FCHO1: variants seen among roughly 807,000 people sequenced by gnomAD.
The protein encoded by FCHO1 is FCH and mu domain containing endocytic adaptor 1, also known as F-BAR domain only protein 1.
In FCHO1, 45 loss-of-function variants were observed where a neutral mutation model predicts 114.4. The ratio of observed to expected loss-of-function variants is 0.39; its 90% CI spans 0.31 to 0.50. FCHO1 has a LOEUF of 0.50. FCHO1 is among the 20% of genes least tolerant of loss of function. FCHO1 has a pLI of 0.77. For synonymous variants in FCHO1, 480 were observed against 488.9 expected, an observed-to-expected ratio of 0.98 and a Z score of 0.24; for missense variants, 1,042 against 1,209.6, an observed-to-expected ratio of 0.86 and a Z score of 2.06.
chr19:17,756,042 A>G lies in FCHO1; in HGVS notation c.27+851A>G, dbSNP rs185011869. The stretch of plus-strand genomic sequence containing the variant: ...AGGGCCCAGGAGTCAGGGAAGGACC[A>G]GGTCAGAAAGCCCCTTCCCCAGTTG... On this transcript the variant is annotated intron_variant, in intron 4 of 28. Coordinates refer to ENST00000596536, the MANE Select transcript of FCHO1 (RefSeq NM_015122.3). Among the ~76,000 whole-genome samples the G allele has an allele frequency of 6.5e-3, 983 of 152,274 alleles. 9 individuals are homozygous for G. The highest frequency in any genetic ancestry group is 0.011 in the Non-Finnish European group (767 of 67,994).
chr19:17,768,924 G>A (rs184914562), intron 7 of FCHO1, among the ~76,000 whole-genome samples: 7 of 151,622 alleles, frequency 4.6e-5, no homozygotes, highest in African/African-American at 1.7e-4. Context: ...TGAGGTGTGA[G>A]AATTGCTTGA....
chr19:17,788,066 G>A (rs891263684), intron 28 of FCHO1, among the ~76,000 whole-genome samples: 1 of 152,032 alleles, frequency 6.6e-6, no homozygotes, highest in Admixed American at 6.5e-5. Context: ...ACCCCAGCCA[G>A]GGAGCCCGAA....
At chr19:17,770,300 T>TA (rs1456415060) in intron 7 of FCHO1, 125 bp from the exon 8 acceptor site, 191 of 1,001,836 alleles carry the variant, frequency 1.9e-4, no homozygotes, top group South Asian at 2.5e-4. Context: ...AAACTCTGTC[T>TA]AAAAAAAACC....
At chr19:17,787,223 C>CAAAAAA (rs61302593) in intron 27 of FCHO1, among the ~76,000 whole-genome samples, 4 of 39,836 alleles carry the variant, frequency 1.0e-4, no homozygotes, top group East Asian at 3.2e-3. Context: ...GACTCTGTCT[C>CAAAAAA]AAAAAAAAAA....
intron 26 of FCHO1, 135 bp from the exon 27 acceptor site, chr19:17,786,439 C>A: frequency 1.2e-6 from 1 of 810,950 alleles, no homozygotes; most frequent in Non-Finnish European, 2.0e-6. Flanking sequence ...ACCCTCATTT[C>A]ACAGATGAGG....
chr19:17,786,187 G>A (rs1232981576), intron 26 of FCHO1, among the ~76,000 whole-genome samples: 1 of 151,428 alleles, frequency 6.6e-6, no homozygotes, highest in African/African-American at 2.4e-5. Flanking sequence ...ACAAAAATTA[G>A]CCAGGCGTGG....
At chr19:17,770,288 C>T (rs1376669878) in intron 7 of FCHO1, 137 bp from the exon 8 acceptor site, 12 of 818,498 alleles carry the variant, frequency 1.5e-5, no homozygotes, top group East Asian at 2.9e-5. Context: ...ACAACAAGAG[C>T]GAAACTCTGT....
In FCHO1 at chr19:17,778,645, C is replaced by A. The variant is rs868299788; in HGVS notation, c.1388C>A (p.Pro463His). 6.3e-7 allele frequency: 1 copy of A among 1,577,590 alleles called. No individual in the cohort carries two copies. Among genetic ancestry groups the A allele is most frequent in the Non-Finnish European group, 8.6e-7 (1 of 1,165,244 alleles). Reference sequence around the variant, plus strand: ...CTGGGCTTCACCTCCAGCCCCTCCCCTTTCTCCTCCTCGTCGCCCGAAAAC... The same window carrying A: ...CTGGGCTTCACCTCCAGCCCCTCCCATTTCTCCTCCTCGTCGCCCGAAAAC... ...SSLGFTSSPS[P>H]FSSSSPENVE... Residue 463 changes from proline (P) to histidine (H), a missense_variant, in exon 20 of 29, where the codon CCT (proline) becomes CAT (histidine). Coordinates refer to ENST00000596536, the MANE Select transcript of FCHO1 (RefSeq NM_015122.3).
Position 17,751,946 on chromosome 19 carries a change from T to C in FCHO1, c.-183+369T>C, listed in dbSNP as rs950455022. ...AAAGTTGGGGTTGCCTCTGAGGGCA[T>C]GGCATGAAGATTGGATGAGCAGATG... On this transcript the variant is annotated intron_variant, in intron 1 of 28. Coordinates refer to ENST00000596536, the MANE Select transcript of FCHO1 (RefSeq NM_015122.3). The surrounding 1 kb of genome is among the most constrained non-coding windows in gnomAD (Gnocchi z 4.4). Among the ~76,000 whole-genome samples the C allele has an allele frequency of 7.9e-5, 12 of 152,340 alleles. No homozygotes were observed. Among genetic ancestry groups the C allele is most frequent in the Non-Finnish European group, 1.5e-4 (10 of 68,036 alleles).
At chr19:17,774,661 G>A (rs868409573) in intron 13 of FCHO1, 183 bp downstream of exon 13, 17 of 600,592 alleles carry the variant, frequency 2.8e-5, no homozygotes, top group South Asian at 2.0e-4. Flanking sequence ...CAATATTACC[G>A]CTGCCCAAGC....
At position 17,766,584 on chromosome 19, in the gene FCHO1, G is replaced by T; in HGVS notation, c.195-85G>T. 3 of 1,534,864 alleles carry T rather than the reference G, an allele frequency of 2.0e-6. No individual in the cohort carries two copies. The South Asian group carries it at 3.4e-5, about 18-fold the overall frequency. On this transcript the variant is annotated intron_variant, in intron 6 of 28. Coordinates refer to ENST00000596536, the MANE Select transcript of FCHO1 (RefSeq NM_015122.3). ...ATTCATGTTTAGCAGGGCTCAGCGTGCAGCACATACCTGAGCCAGTGCCAG... is the reference window on the plus strand; with the variant it reads ...ATTCATGTTTAGCAGGGCTCAGCGTTCAGCACATACCTGAGCCAGTGCCAG...
chr19:17,766,526 C>A, intron 6 of FCHO1, 143 bp from the exon 7 acceptor site: 1 of 1,123,130 alleles, frequency 8.9e-7, no homozygotes, highest in Non-Finnish European at 1.2e-6. Context: ...CCGCCTCTTA[C>A]AGCTGCCATG....
chr19:17,771,874 G>A lies in FCHO1; in HGVS notation c.595-583G>A, dbSNP rs113577330. On this transcript the variant is annotated intron_variant, in intron 9 of 28. Coordinates refer to ENST00000596536, the MANE Select transcript of FCHO1 (RefSeq NM_015122.3). ...GTCACTCAGGCTGGAGTGCAGTGGCGTGATCTCAGCTCACTGCAACCTCCG... is the reference window on the plus strand; with the variant it reads ...GTCACTCAGGCTGGAGTGCAGTGGCATGATCTCAGCTCACTGCAACCTCCG... 4.8e-3 allele frequency among the ~76,000 whole-genome samples: 722 copies of A among 151,848 alleles called. 4 individuals are homozygous for A. The highest frequency in any genetic ancestry group is 0.016 in the African/African-American group (682 of 41,444).
At chr19:17,763,854 T>C (rs1236015232) in intron 5 of FCHO1, among the ~76,000 whole-genome samples, 2 of 150,706 alleles carry the variant, frequency 1.3e-5, no homozygotes, top group Non-Finnish European at 3.0e-5. Flanking sequence ...TGAGTCACCA[T>C]GCCCAGCCTA....
intron 21 of FCHO1, 22 bp from the exon 22 acceptor site, chr19:17,781,430 A>G: frequency 1.2e-6 from 2 of 1,613,806 alleles, no homozygotes; most frequent in Non-Finnish European, 1.7e-6. Flanking sequence ...CTCACAGCCA[A>G]GATTGTCTCT....
intron 24 of FCHO1, among the ~76,000 whole-genome samples, chr19:17,783,673 C>T (rs1339405746): frequency 2.6e-5 from 4 of 152,034 alleles, no homozygotes; most frequent in South Asian, 4.2e-4. Context: ...CTCCGCCTTC[C>T]GGATTCAAGT....
intron 7 of FCHO1, among the ~76,000 whole-genome samples, chr19:17,767,395 CAAA>C (rs3083683): frequency 1.5e-5 from 2 of 130,758 alleles, no homozygotes. Context: ...CCATCTTTAC[CAAA>C]AAAAAAAAAA....
intron 26 of FCHO1, among the ~76,000 whole-genome samples, chr19:17,785,661 G>A (rs1228694062): frequency 3.3e-5 from 5 of 151,912 alleles, no homozygotes; most frequent in East Asian, 3.9e-4. Flanking sequence ...GTGAAACCCC[G>A]TCTCTACTAA....
At chr19:17,788,209 C>A (rs938460079) in intron 28 of FCHO1, 75 bp from the exon 29 acceptor site, 1 of 1,069,632 alleles carries the variant, frequency 9.3e-7, no homozygotes, top group African/African-American at 1.6e-5. Context: ...ATTGAAGCAT[C>A]CCAGGGTCAG....
Sources: allele counts gnomAD v4.1 joint callset (sites outside exome capture counted in the v4.1 genomes callset), GRCh38; gene constraint gnomAD v4.1.1; non-coding constraint Gnocchi (gnomAD v3.1); transcripts MANE v1.5; gene names NCBI Gene and HGNC (gene_info 2026-07-23, HGNC 2026-07-21).